Variants in SLC5A1 observed in about 807,000 individuals in gnomAD.
The protein encoded by SLC5A1 is sodium/glucose cotransporter 1.
Under a neutral mutation model 73.5 loss-of-function variants are expected in SLC5A1, and 42 were observed. That is an observed-to-expected ratio of 0.57 (90% CI 0.45 to 0.74). The LOEUF (loss-of-function observed/expected upper bound fraction) is 0.74, where lower values mean the gene tolerates loss of function less well. Among genes scored for constraint, SLC5A1 ranks in the 30% least tolerant of loss-of-function variants. SLC5A1 has a pLI of 0.00. For synonymous variants in SLC5A1, 300 were observed against 317.4 expected, an observed-to-expected ratio of 0.95 and a Z score of 0.58; for missense variants, 634 against 855.4, an observed-to-expected ratio of 0.74 and a Z score of 3.23.
chr22:32,109,454 T>C (rs993003046), intron 14 of SLC5A1, among the ~76,000 whole-genome samples: 1 of 152,196 alleles, frequency 6.6e-6, no homozygotes, highest in Non-Finnish European at 1.5e-5. Flanking sequence ...CTGGGAAGTA[T>C]TGCTCATTGC....
chr22:32,058,189 A>G (rs1294098789), intron 2 of SLC5A1, among the ~76,000 whole-genome samples: 1 of 152,120 alleles, frequency 6.6e-6, no homozygotes, highest in Admixed American at 6.6e-5. Context: ...TCATGTCATA[A>G]CGAATTCTTC....
At chr22:32,099,638 G>A (rs2094033039) in intron 12 of SLC5A1, among the ~76,000 whole-genome samples, 1 of 151,924 alleles carries the variant, frequency 6.6e-6, no homozygotes, top group Non-Finnish European at 1.5e-5. Flanking sequence ...TGTTGCCCAG[G>A]CTGGTCTTGA....
rs1209721072 is a variant in SLC5A1 at position 32,043,640 on chromosome 22, AAGG to A, written c.135+229_135+231del. On this transcript the variant is annotated intron_variant, in intron 1 of 14. Transcript: ENST00000266088. The surrounding 1 kb of genome is among the most constrained non-coding windows in gnomAD (Gnocchi z 6.5). ...CCAGGGCAGCCTGCCAGGAAGGACCAAGGAGGATACCTGAGCCTGTGAGCAGAG... is the reference window on the plus strand; with the variant it reads ...CCAGGGCAGCCTGCCAGGAAGGACCAAGGATACCTGAGCCTGTGAGCAGAG... 1.3e-5 allele frequency among the ~76,000 whole-genome samples: 2 copies of A among 152,276 alleles called. No individual in the cohort carries two copies. Among genetic ancestry groups the A allele is most frequent in the Admixed American group, 1.3e-4 (2 of 15,302 alleles).
chr22:32,105,694 G>T (rs1052726051), intron 14 of SLC5A1, among the ~76,000 whole-genome samples: 7 of 151,870 alleles, frequency 4.6e-5, no homozygotes, highest in African/African-American at 1.7e-4. Flanking sequence ...CTATTTTTTT[G>T]TTGTACCCAT....
At position 32,043,313 on chromosome 22, in the gene SLC5A1, C is replaced by G; in HGVS notation, c.32C>G (p.Thr11Ser). The change falls in exon 1 of 15, where the codon ACC (threonine) becomes AGC (serine). Residue 11 changes from threonine to serine, a missense_variant. Thr to Ser is a moderately conservative substitution (Grantham distance 58). Coordinates refer to ENST00000266088, the MANE Select transcript of SLC5A1 (RefSeq NM_000343.4). The surrounding 1 kb of genome is among the most constrained non-coding windows in gnomAD (Gnocchi z 6.5). MDSSTWSPKT[T>S]AVTRPVETHE... Reference sequence around the variant, plus strand: ...AGTAGCACCTGGAGCCCCAAGACCACCGCGGTCACCCGGCCTGTTGAGACC... The same window carrying G: ...AGTAGCACCTGGAGCCCCAAGACCAGCGCGGTCACCCGGCCTGTTGAGACC... 1 of 1,614,204 alleles carries G rather than the reference C, an allele frequency of 6.2e-7. No individual in the cohort carries two copies. Among genetic ancestry groups the G allele is most frequent in the Non-Finnish European group, 8.5e-7 (1 of 1,180,036 alleles).
intron 2 of SLC5A1, among the ~76,000 whole-genome samples, chr22:32,051,260 T>G (rs1427421180): frequency 6.6e-6 from 1 of 152,158 alleles, no homozygotes; most frequent in Non-Finnish European, 1.5e-5. Context: ...TGTTCCAGCT[T>G]TGTGACATTG....
chr22:32,077,983 T>C (rs2093993670), intron 5 of SLC5A1, among the ~76,000 whole-genome samples: 2 of 152,242 alleles, frequency 1.3e-5, no homozygotes, highest in Non-Finnish European at 1.5e-5. Context: ...AATATTTTCA[T>C]ATTTTGGCCT....
At chr22:32,094,605 T>C (rs1232614129) in intron 11 of SLC5A1, among the ~76,000 whole-genome samples, 1 of 152,226 alleles carries the variant, frequency 6.6e-6, no homozygotes, top group African/African-American at 2.4e-5. Flanking sequence ...CCATCTCCTC[T>C]AGGTTTTCTG....
chr22:32,100,475 T>C (rs928797720), intron 12 of SLC5A1, among the ~76,000 whole-genome samples: 3 of 152,230 alleles, frequency 2.0e-5, no homozygotes, highest in Non-Finnish European at 4.4e-5. Context: ...GTTTGTCATA[T>C]ATAGCTTATA....
intron 1 of SLC5A1, among the ~76,000 whole-genome samples, chr22:32,047,951 A>T (rs1269946060): frequency 6.6e-6 from 1 of 152,136 alleles, no homozygotes; most frequent in Non-Finnish European, 1.5e-5. Context: ...ACCTGAGATC[A>T]GGAGTTCAAG....
chr22:32,074,828 C>T (rs1033942446), intron 5 of SLC5A1, among the ~76,000 whole-genome samples: 3 of 152,082 alleles, frequency 2.0e-5, no homozygotes, highest in Non-Finnish European at 4.4e-5. Flanking sequence ...CATTTAGTCT[C>T]CAACAGGGGT....
At chr22:32,056,437 C>T (rs1246197111) in intron 2 of SLC5A1, among the ~76,000 whole-genome samples, 22 of 121,574 alleles carry the variant, frequency 1.8e-4, no homozygotes, top group Admixed American at 2.8e-4. Flanking sequence ...ACCTTCCTGT[C>T]TTTTTTTTTT....
chr22:32,080,948 C>T (rs1261301282), intron 5 of SLC5A1, among the ~76,000 whole-genome samples: 1 of 152,064 alleles, frequency 6.6e-6, no homozygotes, highest in Non-Finnish European at 1.5e-5. Context: ...GAGTTGAGAT[C>T]GCACCACTGC....
intron 11 of SLC5A1, among the ~76,000 whole-genome samples, chr22:32,097,716 G>T (rs1445860163): frequency 1.3e-5 from 2 of 152,188 alleles, no homozygotes; most frequent in Non-Finnish European, 2.9e-5. Context: ...TTAAGTGCCT[G>T]CTATTTGCAA....
At chr22:32,076,412 C>T (rs562609926) in intron 5 of SLC5A1, among the ~76,000 whole-genome samples, 1 of 152,182 alleles carries the variant, frequency 6.6e-6, no homozygotes, top group Non-Finnish European at 1.5e-5. Context: ...TGCAAATGTG[C>T]ACAATCCCTG....
chr22:32,076,273 T>G (rs1170341297), intron 5 of SLC5A1, among the ~76,000 whole-genome samples: 1 of 152,268 alleles, frequency 6.6e-6, no homozygotes, highest in Non-Finnish European at 1.5e-5. Context: ...CACGTATTTT[T>G]GGGCTCTGAG....
At chr22:32,105,605 A>C (rs998940704) in intron 14 of SLC5A1, among the ~76,000 whole-genome samples, 1 of 152,088 alleles carries the variant, frequency 6.6e-6, no homozygotes, top group African/African-American at 2.4e-5. Flanking sequence ...TTGCACTCTT[A>C]ATTTTAAAAT....
chr22:32,065,652 A>G (rs1396554531), intron 2 of SLC5A1, among the ~76,000 whole-genome samples: 3 of 152,230 alleles, frequency 2.0e-5, no homozygotes, highest in African/African-American at 2.4e-5. Flanking sequence ...TAACACGTGT[A>G]GTAGATGCTA....
intron 6 of SLC5A1, among the ~76,000 whole-genome samples, chr22:32,082,643 C>A (rs1364538848): frequency 6.6e-6 from 1 of 152,100 alleles, no homozygotes; most frequent in African/African-American, 2.4e-5. Flanking sequence ...TGGGAGGGAT[C>A]AGCTTTAGAA....
Sources: allele counts gnomAD v4.1 joint callset (sites outside exome capture counted in the v4.1 genomes callset), GRCh38; gene constraint gnomAD v4.1.1; non-coding constraint Gnocchi (gnomAD v3.1); transcripts MANE v1.5; gene names NCBI Gene and HGNC (gene_info 2026-07-23, HGNC 2026-07-21).